Variants in UQCRC1 observed in about 807,000 individuals in gnomAD.
UQCRC1 encodes the protein ubiquinol-cytochrome c reductase core protein 1, also known as cytochrome b-c1 complex subunit 1, mitochondrial.
A neutral mutation model predicts 58.0 loss-of-function variants in UQCRC1; 34 were observed. The observed-to-expected ratio is 0.59, with a 90% CI of 0.45 to 0.78. The LOEUF (loss-of-function observed/expected upper bound fraction) is 0.78. Ranked by LOEUF, UQCRC1 falls within the 30% of genes least tolerant of loss-of-function variation. The pLI, the probability that UQCRC1 is intolerant of heterozygous loss-of-function variation, is 0.00. For synonymous variants in UQCRC1, 276 were observed against 248.8 expected (o/e 1.11, Z -1.03); for missense variants, 610 against 646.0 (o/e 0.94, Z 0.60).
In UQCRC1 at chr3:48,600,787, ACT is replaced by A; in HGVS notation, c.1018_1019del (p.Ser340PhefsTer21). ...CATAGCAGATGCTGAAGGTCTGGAA[ACT>A]CTGGCATAGCTTGTTGGCCACAGCA... ...SGAVANKLCQ[S>X]FQTFSICYAE... is the part of the protein sequence containing the mutation. On this transcript the variant is annotated frameshift_variant, in exon 9 of 13. Coordinates refer to ENST00000203407, the MANE Select transcript of UQCRC1 (RefSeq NM_003365.3). LOFTEE classifies it high-confidence loss of function. 1 of 1,613,984 alleles carries A rather than the reference ACT, an allele frequency of 6.2e-7. No individual in the cohort carries two copies. Among genetic ancestry groups the A allele is most frequent in the South Asian group, 1.1e-5 (1 of 91,076 alleles).
At chr3:48,600,868 CA>C (rs1559455759) in intron 8 of UQCRC1, 28 bp from the exon 9 acceptor site, 2 of 1,613,322 alleles carry the variant, frequency 1.2e-6, no homozygotes, top group East Asian at 4.5e-5. Flanking sequence ...GGTCAGCACC[CA>C]CCCTCTTGTC....
intron 2 of UQCRC1, among the ~76,000 whole-genome samples, chr3:48,606,531 G>T (rs967754986): frequency 4.6e-5 from 7 of 152,112 alleles, no homozygotes; most frequent in Admixed American, 4.6e-4. Context: ...GGTGGATTAC[G>T]AGGTCAGCAG....
In UQCRC1 at chr3:48,600,141, A is replaced by G; in HGVS notation, c.1224T>C (p.Pro408=). 1 of 1,614,096 alleles carries G rather than the reference A, an allele frequency of 6.2e-7. No individual in the cohort carries two copies. ...GGCTGCGTCCGATGTCCTCACACAC[A>G]GGAGTAGTGCCTTTAAGGGTGAGAG... ...ALVSHLDGTT[P]VCEDIGRSLL... Residue 408 remains proline (P), a synonymous_variant, in exon 11 of 13, where the codon CCT becomes CCC. Transcript: ENST00000203407.
At chr3:48,606,545 G>A (rs977752713) in intron 2 of UQCRC1, among the ~76,000 whole-genome samples, 17 of 152,108 alleles carry the variant, frequency 1.1e-4, no homozygotes, top group South Asian at 2.1e-4. Context: ...TCAGCAGTTC[G>A]AGACCAGCCT....
At chr3:48,599,540 T>A in intron 12 of UQCRC1, 95 bp downstream of exon 12, 2 of 1,384,002 alleles carry the variant, frequency 1.4e-6, no homozygotes, top group Non-Finnish European at 2.0e-6. Flanking sequence ...GGCTGCTCTG[T>A]AAGCTGAGCA....
In UQCRC1 at chr3:48,601,028, G is replaced by C. The variant is rs760940442; in HGVS notation, c.913C>G (p.Gln305Glu). 3.7e-6 allele frequency: 6 copies of C among 1,609,068 alleles called. No individual in the cohort carries two copies. Among genetic ancestry groups the C allele is most frequent in the Non-Finnish European group, 4.3e-6 (5 of 1,175,834 alleles). ...TGGCCGATGATGGCATTGGCCACTT[G>C]CAAGGCCACATTGTCCGGGCTGGCC... is the stretch of plus-strand genomic sequence containing the variant. ...GWASPDNVAL[Q>E]VANAIIGHYD... Residue 305 changes from glutamine to glutamate, a missense_variant, in exon 8 of 13, where the codon CAA (glutamine) becomes GAA (glutamate). Transcript: ENST00000203407.
rs1276842778 is a variant in UQCRC1, at chr3:48,600,744, C to G, written c.1063G>C (p.Gly355Arg). ...ATTCGGTCACAGACAAAGTGTGCACCCAGCAAGCCCGTCTCTGCATAGCAG... is the reference window on the plus strand; with the variant it reads ...ATTCGGTCACAGACAAAGTGTGCACGCAGCAAGCCCGTCTCTGCATAGCAG... ...SICYAETGLL[G>R]AHFVCDRMKI... is the part of the protein sequence containing the mutation. The change falls in exon 9 of 13, where the codon GGT becomes CGT. Residue 355 changes from glycine (G) to arginine (R), a missense_variant. Coordinates refer to ENST00000203407, the MANE Select transcript of UQCRC1 (RefSeq NM_003365.3). The G allele has an allele frequency of 6.2e-7, 1 of 1,614,044 alleles. No homozygotes were observed. Among genetic ancestry groups the G allele is most frequent in the Non-Finnish European group, 8.5e-7 (1 of 1,180,050 alleles).
intron 2 of UQCRC1, among the ~76,000 whole-genome samples, chr3:48,607,418 G>A (rs995131015): frequency 7.2e-5 from 11 of 152,040 alleles, no homozygotes; most frequent in Middle Eastern, 3.2e-3. Context: ...CTCGTGATCC[G>A]CCTGCCTCGG....
intron 2 of UQCRC1, among the ~76,000 whole-genome samples, chr3:48,607,031 G>GT (rs1192367157): frequency 2.1e-5 from 3 of 143,986 alleles, no homozygotes; most frequent in Non-Finnish European, 3.1e-5. Context: ...GCTAATTTTT[G>GT]TTTTTTTGTG....
In UQCRC1 at chr3:48,600,847, G is replaced by A. The variant is rs2107843096; in HGVS notation, c.967-7C>T. The stretch of plus-strand genomic sequence containing the variant: ...CCAGTGGGCTGGACAGGTGCTGCCA[G>A]GGGGATAGGTGGTCAGCACCCACCC... On this transcript the variant is annotated splice_polypyrimidine_tract_variant and splice_region_variant and intron_variant, in intron 8 of 12. Coordinates refer to ENST00000203407, the MANE Select transcript of UQCRC1 (RefSeq NM_003365.3). 6.2e-7 allele frequency: 1 copy of A among 1,613,726 alleles called. No individual in the cohort carries two copies. Among genetic ancestry groups the A allele is most frequent in the South Asian group, 1.1e-5 (1 of 91,078 alleles).
chr3:48,602,433 T>C (rs1167158208), intron 6 of UQCRC1, among the ~76,000 whole-genome samples: 1 of 151,996 alleles, frequency 6.6e-6, no homozygotes, highest in African/African-American at 2.4e-5. Flanking sequence ...TGCCCCCAGG[T>C]TCCCCAGCTC....
chr3:48,600,000 C>A, intron 11 of UQCRC1, 63 bp downstream of exon 11: 6 of 1,600,528 alleles, frequency 3.7e-6, no homozygotes, highest in Non-Finnish European at 4.3e-6. Context: ...AGGCCCCAAC[C>A]CTACACCTCC....
chr3:48,600,336 C>A, intron 10 of UQCRC1, 146 bp downstream of exon 10: 1 of 1,111,098 alleles, frequency 9.0e-7, no homozygotes, highest in Non-Finnish European at 1.3e-6. Flanking sequence ...TCACACCTGC[C>A]TGCATCTCCA....
chr3:48,601,544 G>A (rs1395259835), intron 6 of UQCRC1, 77 bp from the exon 7 acceptor site: 5 of 1,337,128 alleles, frequency 3.7e-6, no homozygotes, highest in Non-Finnish European at 5.3e-6. Context: ...GACAGGCAGA[G>A]GACCCCCATG....
intron 5 of UQCRC1, chr3:48,603,924 A>G (rs1180926062): frequency 1.7e-6 from 1 of 582,284 alleles, no homozygotes; most frequent in African/African-American, 1.9e-5. Context: ...TCAAAAGGGC[A>G]GCATCAAAGC....
chr3:48,605,916 A>AC, intron 2 of UQCRC1, 60 bp from the exon 3 acceptor site: 1 of 1,523,056 alleles, frequency 6.6e-7, no homozygotes, highest in Non-Finnish European at 9.0e-7. Flanking sequence ...CCCTACTCAC[A>AC]CCCCACCTGA....
chr3:48,603,788 C>G (rs1219022280), intron 5 of UQCRC1, 145 bp from the exon 6 acceptor site: 20 of 784,214 alleles, frequency 2.6e-5, no homozygotes, highest in Non-Finnish European at 4.0e-5. Context: ...AACCCCCTTC[C>G]CCTGTCTCTG....
In UQCRC1 at chr3:48,609,642, G is replaced by T; in HGVS notation, c.-22C>A. ...CCATCTTCCAGCTGCAGTCGGCCCT[G>T]TTGCGCCGCGCAAGCGTAGACTGGG... On this transcript the variant is annotated 5_prime_UTR_variant, in exon 1 of 13. Transcript: ENST00000203407. 2 of 1,545,462 alleles carry T rather than the reference G, an allele frequency of 1.3e-6. No homozygotes were observed. Among genetic ancestry groups the T allele is most frequent in the Non-Finnish European group, 1.7e-6 (2 of 1,149,110 alleles).
At position 48,600,462 on chromosome 3, in the gene UQCRC1, C is replaced by T. The variant is rs557543632; in HGVS notation, c.1213+20G>A. The T allele has an allele frequency of 6.2e-6, 10 of 1,614,022 alleles. No individual in the cohort carries two copies. The highest frequency in any genetic ancestry group is 5.0e-5 in the Admixed American group (3 of 60,020). ...TGGCAAGATGTACTCTACCCCTCCC[C>T]GCTGAGCTGTAGGACTCACCATCTA... On this transcript the variant is annotated intron_variant, in intron 10 of 12. Transcript: ENST00000203407.
Sources: gnomAD v4.1 joint callset for allele counts (sites outside exome capture counted in the v4.1 genomes callset) on GRCh38, gnomAD v4.1.1 for gene constraint, MANE v1.5 for transcripts, NCBI Gene and HGNC (gene_info 2026-07-23, HGNC 2026-07-21) for gene names.